The following TAB1 variants were observed in gnomAD, a reference collection of about 807,000 sequenced individuals.
The protein encoded by TAB1 is TGF-beta-activated kinase 1 and MAP3K7-binding protein 1.
TAB1 carries 30 observed loss-of-function variants against 54.5 expected under a neutral mutation model. The ratio of observed to expected loss-of-function variants is 0.55; its 90% CI spans 0.41 to 0.75. TAB1 has a LOEUF of 0.75. Among genes scored for constraint, TAB1 ranks in the 30% least tolerant of loss-of-function variants. The pLI is 0.00. For synonymous variants in TAB1, 289 were observed against 286.9 expected (o/e 1.01, Z -0.07); for missense variants, 609 against 683.2 (o/e 0.89, Z 1.21).
chr22:39,409,940 T>C (rs907169725), intron 1 of TAB1, among the ~76,000 whole-genome samples: 5 of 152,204 alleles, frequency 3.3e-5, no homozygotes, highest in African/African-American at 7.2e-5. Context: ...TCAGCAGATA[T>C]TTATTGAAAG....
chr22:39,428,227 C>T (rs760495579), intron 10 of TAB1, 44 bp downstream of exon 10: 46 of 1,360,602 alleles, frequency 3.4e-5, no homozygotes, highest in Middle Eastern at 2.4e-4. Context: ...CTGTCACCCC[C>T]GTGTGTGTCC....
At chr22:39,434,158 G>A (rs1440273007), downstream of TAB1, among the ~76,000 whole-genome samples, 1 of 152,254 alleles carries the variant, frequency 6.6e-6, no homozygotes, top group African/African-American at 2.4e-5. Flanking sequence ...AACACATCGA[G>A]TGGCCATAGC....
intron 1 of TAB1, among the ~76,000 whole-genome samples, chr22:39,406,978 G>C (rs1359238344): frequency 6.6e-6 from 1 of 152,200 alleles, no homozygotes; most frequent in Non-Finnish European, 1.5e-5. Flanking sequence ...TGAGTAGAAG[G>C]CCTTGTCTGT....
intron 1 of TAB1, among the ~76,000 whole-genome samples, chr22:39,407,856 G>A (rs770776030): frequency 2.0e-5 from 3 of 152,004 alleles, no homozygotes; most frequent in Non-Finnish European, 2.9e-5. Flanking sequence ...TCTTGACCTC[G>A]TGATCTGCCC....
At chr22:39,406,316 T>C (rs867939523) in intron 1 of TAB1, among the ~76,000 whole-genome samples, 3 of 148,498 alleles carry the variant, frequency 2.0e-5, no homozygotes, top group Non-Finnish European at 3.0e-5. Flanking sequence ...GAGAATTGCT[T>C]AAACCTGGAG....
intron 1 of TAB1, among the ~76,000 whole-genome samples, chr22:39,407,539 A>C (rs1926418672): frequency 6.6e-6 from 1 of 150,920 alleles, no homozygotes; most frequent in Non-Finnish European, 1.5e-5. Context: ...GCTGGAGTGC[A>C]GTGGCGTGAT....
chr22:39,415,181 T>G lies in TAB1; in HGVS notation c.170+39T>G, dbSNP rs1019979873. ...CATTTCTGTGTTGGGCCCGGGGAGT[T>G]GGTTGGTTTGCAAGCAAGGAAAGAC... On this transcript the variant is annotated intron_variant, in intron 2 of 10. Coordinates refer to ENST00000216160, the MANE Select transcript of TAB1 (RefSeq NM_006116.3). This position sits in a 1 kb window ranked among gnomAD's most constrained non-coding sequence, Gnocchi z 4.9. 18 of 1,536,152 alleles carry G rather than the reference T, an allele frequency of 1.2e-5. No homozygotes were observed. The highest frequency in any genetic ancestry group is 6.0e-5 in the Admixed American group (3 of 49,818).
At chr22:39,402,117 A>T (rs978680896) in intron 1 of TAB1, among the ~76,000 whole-genome samples, 1 of 152,102 alleles carries the variant, frequency 6.6e-6, no homozygotes, top group Non-Finnish European at 1.5e-5. Flanking sequence ...GAGTTTGCCA[A>T]GCAGAGGAGA....
At chr22:39,432,603 C>G, downstream of TAB1, 1 of 319,516 alleles carries the variant, frequency 3.1e-6, no homozygotes, top group Non-Finnish European at 4.5e-6. Flanking sequence ...CCACCATGGC[C>G]CCTGAACACT....
Position 39,416,861 on chromosome 22 carries a change from A to T in TAB1, c.395A>T (p.Gln132Leu). 6.2e-7 allele frequency: 1 copy of T among 1,614,246 alleles called. No homozygotes were observed. Among genetic ancestry groups the T allele is most frequent in the Non-Finnish European group, 8.5e-7 (1 of 1,180,036 alleles). ...GCCTTGGCTGAGAAGGCAAGCCTCC[A>T]GTCGCAATTGCCAGAGGTAATTTCC... ...DDALAEKASL[Q>L]SQLPEGVPQH... The change falls in exon 4 of 11, where the codon CAG (glutamine) becomes CTG (leucine). Residue 132 changes from glutamine to leucine, a missense_variant. Gln to Leu is a moderately radical substitution (Grantham distance 113). Transcript: ENST00000216160.
Position 39,408,791 on chromosome 22 carries a change from G to A in TAB1, c.34-6215G>A, listed in dbSNP as rs146296719. Among the ~76,000 whole-genome samples, 8 of 152,314 alleles carry A rather than the reference G, an allele frequency of 5.3e-5. No homozygotes were observed. In the East Asian group the frequency reaches 9.6e-4, roughly 18 times the overall value. On this transcript the variant is annotated intron_variant, in intron 1 of 10. Coordinates refer to ENST00000216160, the MANE Select transcript of TAB1 (RefSeq NM_006116.3). ...GCTGGGATTACAGGATTGATCCACC[G>A]TGCCTGGCCTCACTGGCCTTTTTTA...
downstream of TAB1, chr22:39,433,693 G>T: frequency 1.0e-6 from 1 of 985,422 alleles, no homozygotes; most frequent in South Asian, 4.7e-5. Flanking sequence ...GGCTCCCCAC[G>T]ATGCCCGTGT....
At chr22:39,401,052 A>AC (rs1569190884) in intron 1 of TAB1, among the ~76,000 whole-genome samples, 1 of 151,842 alleles carries the variant, frequency 6.6e-6, no homozygotes, top group Non-Finnish European at 1.5e-5. Context: ...AAAAAAAAAA[A>AC]AAAACGAAAG....
At chr22:39,400,476 C>T (rs1926089449) in intron 1 of TAB1, among the ~76,000 whole-genome samples, 2 of 152,340 alleles carry the variant, frequency 1.3e-5, no homozygotes, top group South Asian at 4.1e-4. Flanking sequence ...CTGTGTCTCC[C>T]TCAGCCTCAG....
chr22:39,421,758 C>A (rs577920386), intron 7 of TAB1, 69 bp from the exon 8 acceptor site: 2 of 1,544,956 alleles, frequency 1.3e-6, no homozygotes, highest in Non-Finnish European at 1.8e-6. Flanking sequence ...GATTCCTCCC[C>A]TCAGCAGAAT....
At chr22:39,412,837 C>T (rs1926662527) in intron 1 of TAB1, among the ~76,000 whole-genome samples, 1 of 149,238 alleles carries the variant, frequency 6.7e-6, no homozygotes, top group African/African-American at 2.5e-5. Flanking sequence ...AGATGATTCA[C>T]TGTTGGCATA....
intron 1 of TAB1, among the ~76,000 whole-genome samples, chr22:39,413,007 C>T (rs903817823): frequency 4.6e-5 from 7 of 151,312 alleles, no homozygotes; most frequent in South Asian, 2.1e-4. Flanking sequence ...CTCCGCCTCC[C>T]GGGTTCATGC....
intron 1 of TAB1, among the ~76,000 whole-genome samples, chr22:39,413,574 G>A (rs1025672934): frequency 3.9e-5 from 6 of 152,114 alleles, no homozygotes; most frequent in African/African-American, 1.2e-4. Flanking sequence ...GCACCACCAT[G>A]CCTGGCTAAT....
Position 39,426,811 on chromosome 22 carries a change from A to C in TAB1, c.1030A>C (p.Ser344Arg), listed in dbSNP as rs755283868. 3.7e-6 allele frequency: 6 copies of C among 1,613,992 alleles called. No individual in the cohort carries two copies. The highest frequency in any genetic ancestry group is 5.1e-6 in the Non-Finnish European group (6 of 1,180,048). The change falls in exon 9 of 11, where the codon AGT becomes CGT. Residue 344 changes from serine to arginine, a missense_variant. Ser to Arg is a moderately radical substitution (Grantham distance 110). Transcript: ENST00000216160. ...GCGCATCCACAGCGACACCTTCGCC[A>C]GTGGTGGGGAGCGTGCCAGGTTCTG... ...VKRIHSDTFA[S>R]GGERARFCPR...
Sources: allele counts gnomAD v4.1 joint callset (sites outside exome capture counted in the v4.1 genomes callset), GRCh38; gene constraint gnomAD v4.1.1; non-coding constraint Gnocchi (gnomAD v3.1); transcripts MANE v1.5; gene names NCBI Gene and HGNC (gene_info 2026-07-23, HGNC 2026-07-21).